The following EXT2 variants were observed in gnomAD, a reference collection of about 807,000 sequenced individuals.
The protein encoded by EXT2 is exostosin glycosyltransferase 2.
EXT2 carries 53 observed loss-of-function variants against 81.6 expected under a neutral mutation model. That is an observed-to-expected ratio of 0.65 (90% CI 0.52 to 0.82). EXT2 has a LOEUF of 0.82. Among genes scored for constraint, EXT2 ranks in the 40% least tolerant of loss-of-function variants. EXT2 has a pLI of 0.00. For missense variants in EXT2, 774 were observed against 910.2 expected (o/e 0.85, Z 1.93); for synonymous variants, 320 against 340.0 (o/e 0.94, Z 0.65).
Position 44,241,795 on chromosome 11 carries a change from G to A in EXT2, c.2019-2354G>A, listed in dbSNP as rs966770069. Among the ~76,000 whole-genome samples, 12 of 152,310 alleles carry A rather than the reference G, an allele frequency of 7.9e-5. No homozygotes were observed. The South Asian group carries it at 1.2e-3, about 16-fold the overall frequency. ...TGACAACAGCTCATGTGGGCCACCG[G>A]CAACCAGCCAAAGTCCTGTCTCCCC... On this transcript the variant is annotated intron_variant, in intron 13 of 13. Transcript: ENST00000533608.
chr11:44,244,419 C>A lies in EXT2; in HGVS notation c.*132C>A. 1 of 886,572 alleles carries A rather than the reference C, an allele frequency of 1.1e-6. No homozygotes were observed. The highest frequency in any genetic ancestry group is 1.8e-6 in the Non-Finnish European group (1 of 549,586). 54.9% of individuals were successfully genotyped at this position (886,572 alleles called of 1,614,324 possible). ...CTACTTGGATCTTGGCATGCACCCACCTAACCCACTTTCTCAAGAACAAGA... is the reference window on the plus strand; with the variant it reads ...CTACTTGGATCTTGGCATGCACCCAACTAACCCACTTTCTCAAGAACAAGA... On this transcript the variant is annotated 3_prime_UTR_variant, in exon 14 of 14. Coordinates refer to ENST00000533608, the MANE Select transcript of EXT2 (RefSeq NM_207122.2).
At chr11:44,156,155 C>T (rs1197085165) in intron 7 of EXT2, among the ~76,000 whole-genome samples, 2 of 152,224 alleles carry the variant, frequency 1.3e-5, no homozygotes, top group East Asian at 1.9e-4. Context: ...TAGGATCCTT[C>T]CTTTTTTCTT....
Position 44,244,389 on chromosome 11 carries a change from T to C in EXT2, c.*102T>C. 7.5e-7 allele frequency: 1 copy of C among 1,329,100 alleles called. No homozygotes were observed. Among genetic ancestry groups the C allele is most frequent in the Non-Finnish European group, 1.1e-6 (1 of 928,554 alleles). 82.3% of individuals were successfully genotyped at this position (1,329,100 alleles called of 1,614,324 possible). ...AGAGTAGTAGGTTAAGGGTGGAAGG[T>C]TGACCTACTTGGATCTTGGCATGCA... On this transcript the variant is annotated 3_prime_UTR_variant, in exon 14 of 14. Transcript: ENST00000533608.
At chr11:44,159,555 C>G (rs1186110317) in intron 7 of EXT2, among the ~76,000 whole-genome samples, 1 of 152,048 alleles carries the variant, frequency 6.6e-6, no homozygotes, top group African/African-American at 2.4e-5. Flanking sequence ...TGTTGTCTGC[C>G]TTTTCCATTA....
intron 10 of EXT2, among the ~76,000 whole-genome samples, chr11:44,211,149 C>T (rs961291933): frequency 5.3e-5 from 8 of 152,136 alleles, no homozygotes; most frequent in African/African-American, 1.9e-4. Context: ...AAATGGACCA[C>T]ACATGTATGG....
Position 44,251,723 on chromosome 11 carries a change from TG to T in EXT2, c.*7437del, listed in dbSNP as rs1219038573. On this transcript the variant is annotated 3_prime_UTR_variant, in exon 14 of 14. Transcript: ENST00000533608. ...TTTTCATTTATGTTTTTAAGTCTATTGTCTTAAAAAGATTCTTTTCCCTTAA... is the reference window on the plus strand; with the variant it reads ...TTTTCATTTATGTTTTTAAGTCTATTTCTTAAAAAGATTCTTTTCCCTTAA... Among the ~76,000 whole-genome samples, 4 of 152,208 alleles carry T rather than the reference TG, an allele frequency of 2.6e-5. No individual in the cohort carries two copies. Among genetic ancestry groups the T allele is most frequent in the Admixed American group, 2.6e-4 (4 of 15,284 alleles).
intron 8 of EXT2, among the ~76,000 whole-genome samples, chr11:44,185,573 C>G (rs920296952): frequency 6.6e-5 from 10 of 152,166 alleles, no homozygotes; most frequent in Admixed American, 5.2e-4. Context: ...AAAACATATG[C>G]TTTATTGGAA....
At chr11:44,120,299 C>T (rs1361297298) in intron 4 of EXT2, among the ~76,000 whole-genome samples, 2 of 152,074 alleles carry the variant, frequency 1.3e-5, no homozygotes, top group East Asian at 1.9e-4. Flanking sequence ...TTCAATAACC[C>T]GATAGGAGTG....
chr11:44,133,202 T>C (rs935520225), intron 7 of EXT2, among the ~76,000 whole-genome samples: 5 of 152,252 alleles, frequency 3.3e-5, no homozygotes, highest in Non-Finnish European at 5.9e-5. Flanking sequence ...TATAACAAAA[T>C]ATACTGTTTC....
intron 7 of EXT2, among the ~76,000 whole-genome samples, chr11:44,165,067 A>T (rs986783915): frequency 2.0e-5 from 3 of 151,264 alleles, no homozygotes; most frequent in African/African-American, 7.3e-5. Flanking sequence ...TTTAGTAGAG[A>T]CGGGGTTTCA....
intron 7 of EXT2, chr11:44,144,406 G>T: frequency 7.4e-7 from 1 of 1,360,162 alleles, no homozygotes; most frequent in South Asian, 1.2e-5. Context: ...GAGAAGGCTT[G>T]ACCAAACACA....
At position 44,171,772 on chromosome 11, in the gene EXT2, G is replaced by C. The variant is rs757110257; in HGVS notation, c.1305+30G>C. On this transcript the variant is annotated intron_variant, in intron 8 of 13. Coordinates refer to ENST00000533608, the MANE Select transcript of EXT2 (RefSeq NM_207122.2). ...GTGAATTCCAGTGCTAGCCACATGA[G>C]GCATGGTCCAGCTGTCAGGGTGGGT... 3.7e-6 allele frequency: 6 copies of C among 1,613,410 alleles called. No homozygotes were observed. The South Asian group carries it at 5.5e-5, about 15-fold the overall frequency.
chr11:44,096,349 G>T, intron 1 of EXT2: 1 of 1,521,112 alleles, frequency 6.6e-7, no homozygotes. Flanking sequence ...GGCATGTTAT[G>T]CCGGGGACTG....
At chr11:44,186,338 C>A (rs1473433009) in intron 8 of EXT2, among the ~76,000 whole-genome samples, 1 of 152,198 alleles carries the variant, frequency 6.6e-6, no homozygotes, top group Non-Finnish European at 1.5e-5. Context: ...TCTCTTCCCT[C>A]ATTCCAAATT....
In EXT2 at chr11:44,154,330, C is replaced by T. The variant is rs146024376; in HGVS notation, c.1174-17281C>T. On this transcript the variant is annotated intron_variant, in intron 7 of 13. Transcript: ENST00000533608. ...CCTCTGGTGATCATCATTCTACCTTCTATCTCTTTGAGTTCAGTTGTTTTA... is the reference window on the plus strand; with the variant it reads ...CCTCTGGTGATCATCATTCTACCTTTTATCTCTTTGAGTTCAGTTGTTTTA... Among the ~76,000 whole-genome samples the T allele has an allele frequency of 5.6e-3, 852 of 152,206 alleles. 11 individuals are homozygous for T. The highest frequency in any genetic ancestry group is 8.9e-3 in the Non-Finnish European group (602 of 67,936).
At position 44,109,221 on chromosome 11, in the gene EXT2, G is replaced by A. The variant is rs756431485; in HGVS notation, c.564G>A (p.Leu188=). The change falls in exon 3 of 14, where the codon TTG becomes TTA. Residue 188 remains leucine (L), a synonymous_variant. Coordinates refer to ENST00000533608, the MANE Select transcript of EXT2 (RefSeq NM_207122.2). ...SRWDRGTNHL[L]FNMLPGGPPD... is the part of the protein sequence containing the mutation. Reference sequence around the variant, plus strand: ...GGGATCGAGGTACGAATCACCTGTTGTTCAACATGTTGCCTGGAGGTCCCC... The same window carrying A: ...GGGATCGAGGTACGAATCACCTGTTATTCAACATGTTGCCTGGAGGTCCCC... 1 of 1,614,078 alleles carries A rather than the reference G, an allele frequency of 6.2e-7. No individual in the cohort carries two copies. The highest frequency in any genetic ancestry group is 1.1e-5 in the South Asian group (1 of 91,070).
intron 6 of EXT2, among the ~76,000 whole-genome samples, chr11:44,129,054 C>T (rs1954451526): frequency 6.6e-6 from 1 of 152,170 alleles, no homozygotes; most frequent in Non-Finnish European, 1.5e-5. Flanking sequence ...ATTGTTGAGT[C>T]CTCTCTTTCT....
At chr11:44,114,408 A>G (rs1590555903) in intron 4 of EXT2, 107 bp downstream of exon 4, 1 of 963,122 alleles carries the variant, frequency 1.0e-6, no homozygotes, top group South Asian at 1.3e-5. Flanking sequence ...GTTACAGGGT[A>G]GGGTCCTTGA....
At chr11:44,112,575 T>C (rs1288483091) in intron 3 of EXT2, among the ~76,000 whole-genome samples, 2 of 152,200 alleles carry the variant, frequency 1.3e-5, no homozygotes, top group African/African-American at 4.8e-5. Context: ...CAGAAGAAGA[T>C]ACAGTGCCTT....
Sources: allele counts gnomAD v4.1 joint callset (sites outside exome capture counted in the v4.1 genomes callset), GRCh38; gene constraint gnomAD v4.1.1; transcripts MANE v1.5; gene names NCBI Gene and HGNC (gene_info 2026-07-23, HGNC 2026-07-21).